Variants in MAF observed in about 807,000 individuals in gnomAD.
MAF encodes MAF bZIP transcription factor.
Under a neutral mutation model 22.0 loss-of-function variants are expected in MAF, and 10 were observed. That is an observed-to-expected ratio of 0.45 (90% CI 0.28 to 0.77). MAF has a LOEUF of 0.77. MAF is among the 30% of genes least tolerant of loss of function. MAF has a pLI of 0.12. For missense variants in MAF, 544 were observed against 548.4 expected (o/e 0.99, Z 0.08); for synonymous variants, 337 against 255.8 (o/e 1.32, Z -3.03).
chr16:79,489,410 G>A, the MAF span, among the ~76,000 whole-genome samples: 6 of 152,076 alleles, frequency 3.9e-5, no homozygotes, highest in African/African-American at 7.2e-5. Flanking sequence ...ATCAGTTCCC[G>A]TGATAAGAGT....
the MAF span, among the ~76,000 whole-genome samples, chr16:79,506,976 T>G: frequency 6.6e-6 from 1 of 152,230 alleles, no homozygotes; most frequent in South Asian, 2.1e-4. Flanking sequence ...TGCTCATTCC[T>G]TCTGTAAACC....
chr16:79,223,519 G>A, the MAF span, among the ~76,000 whole-genome samples: 2 of 152,134 alleles, frequency 1.3e-5, no homozygotes, highest in African/African-American at 2.4e-5. Flanking sequence ...GATCAGAGCA[G>A]AACTGAAGGA....
chr16:79,572,966 C>G, the MAF span, among the ~76,000 whole-genome samples: 1 of 152,214 alleles, frequency 6.6e-6, no homozygotes, highest in Admixed American at 6.5e-5. Flanking sequence ...TGTATGGAGA[C>G]TGCCAATCAT....
At chr16:79,369,990 G>C in the MAF span, among the ~76,000 whole-genome samples, 1 of 152,188 alleles carries the variant, frequency 6.6e-6, no homozygotes, top group Non-Finnish European at 1.5e-5. Context: ...GCACTCAGTA[G>C]AAATGTCACG....
At chr16:79,456,423 AC>A in the MAF span, among the ~76,000 whole-genome samples, 2 of 152,202 alleles carry the variant, frequency 1.3e-5, no homozygotes. Context: ...CAAGATATAA[AC>A]ATATCTCCTT....
chr16:79,491,611 T>C, the MAF span, among the ~76,000 whole-genome samples: 1 of 152,150 alleles, frequency 6.6e-6, no homozygotes, highest in African/African-American at 2.4e-5. Flanking sequence ...TGGATTTGCA[T>C]GCACTGCTGC....
the MAF span, among the ~76,000 whole-genome samples, chr16:79,357,732 G>T: frequency 1.8e-4 from 28 of 151,798 alleles, no homozygotes; most frequent in African/African-American, 6.0e-4. Context: ...TGACTACTCA[G>T]GGAATAGCAT....
At chr16:79,212,044 G>C in the MAF span, 7 of 1,536,214 alleles carry the variant, frequency 4.6e-6, no homozygotes, top group East Asian at 9.8e-5. Flanking sequence ...TGGCCTGTTT[G>C]AAAGTAAAAA....
At chr16:79,262,306 T>G in the MAF span, among the ~76,000 whole-genome samples, 1 of 152,220 alleles carries the variant, frequency 6.6e-6, no homozygotes, top group Non-Finnish European at 1.5e-5. Context: ...AAAACTCATG[T>G]TCTCTCTAAT....
chr16:79,533,267 T>G, the MAF span, among the ~76,000 whole-genome samples: 1 of 152,196 alleles, frequency 6.6e-6, no homozygotes, highest in Non-Finnish European at 1.5e-5. Context: ...CAGACCTGTT[T>G]TGTATTTCTC....
chr16:79,494,168 C>A, the MAF span, among the ~76,000 whole-genome samples: 5 of 152,246 alleles, frequency 3.3e-5, 1 homozygote. Flanking sequence ...TGAAAAGCAA[C>A]ACAGATTTAT....
the MAF span, among the ~76,000 whole-genome samples, chr16:79,514,288 G>T: frequency 2.6e-5 from 4 of 152,336 alleles, no homozygotes; most frequent in East Asian, 7.7e-4. Flanking sequence ...TCATTCAAAT[G>T]TGTAGCAGAA....
the MAF span, among the ~76,000 whole-genome samples, chr16:79,366,630 G>A: frequency 6.6e-6 from 1 of 152,148 alleles, no homozygotes; most frequent in African/African-American, 2.4e-5. Context: ...GTGGATTTCT[G>A]GTGGAAGTTT....
the MAF span, among the ~76,000 whole-genome samples, chr16:79,496,229 A>T: frequency 3.9e-5 from 6 of 152,246 alleles, no homozygotes; most frequent in African/African-American, 1.4e-4. Flanking sequence ...CTTTAAAAAA[A>T]ATAGAGCAAA....
the MAF span, among the ~76,000 whole-genome samples, chr16:79,253,698 T>G: frequency 6.6e-6 from 1 of 152,166 alleles, no homozygotes; most frequent in Non-Finnish European, 1.5e-5. Context: ...TCCTTGACTT[T>G]GAAACATGGA....
chr16:79,462,214 G>A, the MAF span, among the ~76,000 whole-genome samples: 1 of 152,168 alleles, frequency 6.6e-6, no homozygotes, highest in African/African-American at 2.4e-5. Flanking sequence ...ACCAGGCACC[G>A]TGCAAACATA....
intron 1 of MAF, chr16:79,598,031 AT>A: frequency 2.3e-5 from 24 of 1,041,518 alleles, no homozygotes; most frequent in Non-Finnish European, 2.7e-5. Flanking sequence ...TTTTTTCTCT[AT>A]TTTAGCATAA....
chr16:79,519,399 T>G, the MAF span, among the ~76,000 whole-genome samples: 5 of 152,240 alleles, frequency 3.3e-5, no homozygotes, highest in East Asian at 1.9e-4. Context: ...ATCTACGGTC[T>G]GCCTCTTGCT....
downstream of MAF, among the ~76,000 whole-genome samples, chr16:79,585,663 T>G (rs1282610745): frequency 6.6e-6 from 1 of 152,168 alleles, no homozygotes; most frequent in Non-Finnish European, 1.5e-5. Flanking sequence ...GATTCTCACA[T>G]ATATCGCATG....
Sources: gnomAD v4.1 joint callset for allele counts (sites outside exome capture counted in the v4.1 genomes callset) on GRCh38, gnomAD v4.1.1 for gene constraint, MANE v1.5 for transcripts, NCBI Gene and HGNC (gene_info 2026-07-23, HGNC 2026-07-21) for gene names.